Variants in SPG11 observed in about 807,000 individuals in gnomAD.
SPG11 encodes the protein spatacsin.
Under a neutral mutation model 274.0 loss-of-function variants are expected in SPG11, and 222 were observed. That is an observed-to-expected ratio of 0.81 (90% CI 0.73 to 0.91). SPG11 has a LOEUF of 0.91. Ranked by LOEUF, SPG11 falls within the 40% of genes least tolerant of loss-of-function variation. The probability of loss-of-function intolerance (pLI) is 0.00; values close to 1 mark genes in which losing one functional copy is unlikely to be tolerated. For missense variants in SPG11, 3,114 were observed against 2,872.7 expected, an observed-to-expected ratio of 1.08 and a Z score of -1.92; for synonymous variants, 1,144 against 1,039.7, an observed-to-expected ratio of 1.10 and a Z score of -1.93.
chr15:44,583,698 A>C, intron 30 of SPG11, 116 bp downstream of exon 30: 1 of 1,365,850 alleles, frequency 7.3e-7, no homozygotes, highest in Non-Finnish European at 1.0e-6. Context: ...ACCTGGAAAA[A>C]AGTTGTTGTC....
chr15:44,585,602 TAAAAAAAAAAAA>T (rs34800368), intron 29 of SPG11, 22 bp downstream of exon 29: 4 of 1,193,774 alleles, frequency 3.4e-6, no homozygotes, highest in Non-Finnish European at 4.6e-6. Context: ...ACCCCGTATC[TAAAAAAAAAAAA>T]AAAAAAAAAG....
Position 44,595,458 on chromosome 15 carries a change from C to T in SPG11, c.4436G>A (p.Gly1479Asp), listed in dbSNP as rs374303102. ...ILSVLASCLQGASAISCLCVW... is the reference protein window; with the variant it reads ...ILSVLASCLQDASAISCLCVW... ...ACAGAGACAAGAAATGGCACTGGCACCCTGCCACGGGATAAATAAAATAAC... is the reference window on the plus strand; with the variant it reads ...ACAGAGACAAGAAATGGCACTGGCATCCTGCCACGGGATAAATAAAATAAC... The change falls in exon 26 of 40, where the codon GGT (glycine) becomes GAT (aspartate). Residue 1479 changes from glycine to aspartate, a missense_variant and splice_region_variant. Physicochemically the swap from Gly to Asp is moderately conservative, Grantham distance 94. Transcript: ENST00000261866. 3.8e-5 allele frequency: 61 copies of T among 1,614,074 alleles called. No individual in the cohort carries two copies. In the African/African-American group the frequency reaches 7.5e-4, roughly 20 times the overall value.
chr15:44,661,406 T>C (rs1159962712), intron 1 of SPG11, among the ~76,000 whole-genome samples: 1 of 152,206 alleles, frequency 6.6e-6, no homozygotes, highest in Non-Finnish European at 1.5e-5. Context: ...TATACCATGC[T>C]GATAAAATTT....
chr15:44,588,814 T>A (rs975231627), intron 28 of SPG11, among the ~76,000 whole-genome samples: 4 of 152,232 alleles, frequency 2.6e-5, no homozygotes, highest in African/African-American at 9.6e-5. Context: ...CTCAAAACCT[T>A]TGCCATTTAA....
At chr15:44,662,808 C>T (rs573606247) in intron 1 of SPG11, among the ~76,000 whole-genome samples, 1 of 152,258 alleles carries the variant, frequency 6.6e-6, no homozygotes, top group South Asian at 2.1e-4. Context: ...CAAACATGCG[C>T]GCCTCGCAAG....
chr15:44,573,958 T>C, intron 31 of SPG11: 1 of 602,028 alleles, frequency 1.7e-6, no homozygotes, highest in Non-Finnish European at 2.9e-6. Flanking sequence ...AGGCTTGTAT[T>C]CAGAAAGCAT....
chr15:44,645,386 T>C (rs1206891063), intron 7 of SPG11, among the ~76,000 whole-genome samples: 3 of 152,154 alleles, frequency 2.0e-5, no homozygotes, highest in East Asian at 1.9e-4. Flanking sequence ...CCCTATTCAA[T>C]TAATGTGCTG....
intron 30 of SPG11, 61 bp from the exon 31 acceptor site, chr15:44,575,102 C>T: frequency 1.3e-6 from 2 of 1,599,746 alleles, no homozygotes; most frequent in Non-Finnish European, 1.7e-6. Context: ...CTCCCTAGCT[C>T]TCTATGGCTC....
At chr15:44,615,293 CAT>C (rs1156982997) in intron 16 of SPG11, 68 bp downstream of exon 16, 2 of 1,447,470 alleles carry the variant, frequency 1.4e-6, no homozygotes, top group African/African-American at 2.8e-5. Flanking sequence ...CTAAAAGTCA[CAT>C]TCAGGAGTCA....
chr15:44,608,379 G>A, intron 19 of SPG11, 65 bp downstream of exon 19: 1 of 1,531,606 alleles, frequency 6.5e-7, no homozygotes, highest in Non-Finnish European at 9.0e-7. Flanking sequence ...GAAAGATCTA[G>A]AGTGATTTCT....
intron 10 of SPG11, 58 bp downstream of exon 10, chr15:44,628,611 G>A: frequency 6.8e-7 from 1 of 1,463,920 alleles, no homozygotes. Flanking sequence ...TCTTTCTATT[G>A]TTTTCTCAGA....
chr15:44,572,406 G>A (rs950283188), intron 33 of SPG11: 2 of 425,374 alleles, frequency 4.7e-6, no homozygotes, highest in African/African-American at 4.0e-5. Context: ...CCTTCTAGGG[G>A]ACAATAACGT....
At chr15:44,585,430 CAA>C (rs67858533) in intron 29 of SPG11, among the ~76,000 whole-genome samples, 3 of 97,294 alleles carry the variant, frequency 3.1e-5, no homozygotes, top group Non-Finnish European at 3.8e-5. Flanking sequence ...ACTAAAAATA[CAA>C]AAAAAAAAAA....
intron 14 of SPG11, 177 bp from the exon 15 acceptor site, chr15:44,620,580 T>G (rs976763130): frequency 1.7e-6 from 1 of 590,046 alleles, no homozygotes; most frequent in Non-Finnish European, 2.9e-6. Context: ...CTCGCTGTGT[T>G]GCCCAGGCTG....
chr15:44,576,423 C>T (rs374664855), intron 30 of SPG11, among the ~76,000 whole-genome samples: 5 of 151,402 alleles, frequency 3.3e-5, no homozygotes, highest in Non-Finnish European at 5.9e-5. Flanking sequence ...CTGAGGTGGG[C>T]GGATCACAAG....
At chr15:44,601,747 C>T (rs147749049) in intron 20 of SPG11, among the ~76,000 whole-genome samples, 10 of 151,614 alleles carry the variant, frequency 6.6e-5, no homozygotes, top group Non-Finnish European at 1.2e-4. Flanking sequence ...ACAGTAGAGA[C>T]GGGGTTTCGC....
At chr15:44,565,766 C>T in intron 38 of SPG11, 88 bp downstream of exon 38, 2 of 1,535,010 alleles carry the variant, frequency 1.3e-6, no homozygotes, top group Non-Finnish European at 1.8e-6. Flanking sequence ...CTGTCACTAG[C>T]CCTGAGACCT....
intron 7 of SPG11, among the ~76,000 whole-genome samples, chr15:44,637,471 C>T (rs530097759): frequency 6.6e-6 from 1 of 152,260 alleles, no homozygotes; most frequent in East Asian, 1.9e-4. Context: ...AGCCACCATA[C>T]CCGGCTAATT....
rs2083236014 is a variant in SPG11 at position 44,603,057 on chromosome 15, T to TC, written c.3521-2426_3521-2425insG. On this transcript the variant is annotated intron_variant, in intron 20 of 39. Transcript: ENST00000261866. ...TGTACCTTTCTCCAACAGGCAATTTTTTTTTTTTTTTTTTTTGGACACAGG... is the reference window on the plus strand; with the variant it reads ...TGTACCTTTCTCCAACAGGCAATTTTCTTTTTTTTTTTTTTTTGGACACAGG... 2.0e-5 allele frequency among the ~76,000 whole-genome samples: 3 copies of TC among 150,394 alleles called. No homozygotes were observed. The South Asian group carries it at 6.4e-4, about 32-fold the overall frequency.
Sources: allele counts gnomAD v4.1 joint callset (sites outside exome capture counted in the v4.1 genomes callset), GRCh38; gene constraint gnomAD v4.1.1; transcripts MANE v1.5; gene names NCBI Gene and HGNC (gene_info 2026-07-23, HGNC 2026-07-21).